Variants in FOXK1 observed in about 807,000 individuals in gnomAD.
FOXK1 encodes forkhead box protein K1.
A neutral mutation model predicts 51.9 loss-of-function variants in FOXK1; 19 were observed. That is an observed-to-expected ratio of 0.37 (90% confidence interval 0.26 to 0.54). FOXK1 has a LOEUF of 0.54. Among genes scored for constraint, FOXK1 ranks in the 20% least tolerant of loss-of-function variants. The pLI is 0.87. For missense variants in FOXK1, 870 were observed against 1,032.7 expected (o/e 0.84, Z 2.16); for synonymous variants, 537 against 482.6 (o/e 1.11, Z -1.48).
At chr7:4,710,978 T>C (rs960899543) in intron 1 of FOXK1, among the ~76,000 whole-genome samples, 4 of 152,228 alleles carry the variant, frequency 2.6e-5, no homozygotes, top group Admixed American at 2.6e-4. Flanking sequence ...TCCTAGCCAC[T>C]GGGTTCTGGG....
rs1216287126 is a variant in FOXK1, at chr7:4,748,138, T to C, written c.747-6321T>C. ...TTCCTTTTTCAGATTACGAAGAGAC[T>C]ATCTATCTATCTATATGCATCTTAC... On this transcript the variant is annotated intron_variant, in intron 2 of 8. Coordinates refer to ENST00000328914, the MANE Select transcript of FOXK1 (RefSeq NM_001037165.2). The surrounding 1 kb of genome is among the most constrained non-coding windows in gnomAD (Gnocchi z 4.9). Among the ~76,000 whole-genome samples the C allele has an allele frequency of 6.9e-6, 1 of 144,606 alleles. No individual in the cohort carries two copies. Among genetic ancestry groups the C allele is most frequent in the Admixed American group, 6.7e-5 (1 of 15,022 alleles). The allele number at this position is 144,606 out of a possible 152,430, so 94.9% of individuals were successfully genotyped here.
Position 4,703,472 on chromosome 7 carries a change from C to T in FOXK1, c.560+20604C>T, listed in dbSNP as rs1178534446. Among the ~76,000 whole-genome samples, 5 of 152,296 alleles carry T rather than the reference C, an allele frequency of 3.3e-5. No homozygotes were observed. Among genetic ancestry groups the T allele is most frequent in the Non-Finnish European group, 5.9e-5 (4 of 68,026 alleles). ...CAGCACAGGGCAGGGTCCTGGTGTCCTCGCCCCACAAGGCTCCCCCAGGGT... is the reference window on the plus strand; with the variant it reads ...CAGCACAGGGCAGGGTCCTGGTGTCTTCGCCCCACAAGGCTCCCCCAGGGT... On this transcript the variant is annotated intron_variant, in intron 1 of 8. Coordinates refer to ENST00000328914, the MANE Select transcript of FOXK1 (RefSeq NM_001037165.2). This position sits in a 1 kb window ranked among gnomAD's most constrained non-coding sequence, Gnocchi z 5.6.
At chr7:4,716,868 T>C (rs1780241107) in intron 1 of FOXK1, among the ~76,000 whole-genome samples, 1 of 152,222 alleles carries the variant, frequency 6.6e-6, no homozygotes, top group South Asian at 2.1e-4. Flanking sequence ...TTTATCTTAA[T>C]AGAGATTAAA....
At chr7:4,704,464 A>AAG (rs1554249107) in intron 1 of FOXK1, among the ~76,000 whole-genome samples, 2 of 151,566 alleles carry the variant, frequency 1.3e-5, no homozygotes, top group Admixed American at 6.6e-5. Context: ...AAAAAAAAAA[A>AAG]AAAAGAAAAG....
rs892218023 is a variant in FOXK1 at position 4,729,491 on chromosome 7, C to T, written c.561-11347C>T. Among the ~76,000 whole-genome samples the T allele has an allele frequency of 3.3e-5, 5 of 152,138 alleles. No individual in the cohort carries two copies. The highest frequency in any genetic ancestry group is 9.7e-5 in the African/African-American group (4 of 41,426). On this transcript the variant is annotated intron_variant, in intron 1 of 8. Coordinates refer to ENST00000328914, the MANE Select transcript of FOXK1 (RefSeq NM_001037165.2). The surrounding 1 kb of genome is among the most constrained non-coding windows in gnomAD (Gnocchi z 6.2). ...AAGGAGCTGTGAACACCGAGGGTGC[C>T]GTCCTCGCCTGTGCTGCCATGGGGT...
At position 4,759,414 on chromosome 7, in the gene FOXK1, A is replaced by T; in HGVS notation, c.1515A>T (p.Ser505=). ...ACATGCCCGCCTCCATCGTAACCTC[A>T]CAGCAGCCCGCGGGCCACGCCATCC... ...VAYMPASIVT[S]QQPAGHAIHV... is the part of the protein sequence containing the mutation. The change falls in exon 7 of 9, where the codon TCA becomes TCT. Residue 505 remains serine, a synonymous_variant. Coordinates refer to ENST00000328914, the MANE Select transcript of FOXK1 (RefSeq NM_001037165.2). 1 of 1,599,664 alleles carries T rather than the reference A, an allele frequency of 6.3e-7. No homozygotes were observed. Among genetic ancestry groups the T allele is most frequent in the Non-Finnish European group, 8.5e-7 (1 of 1,177,740 alleles).
rs1583211213 is a variant in FOXK1, at chr7:4,755,692, C to G, written c.1050+309C>G. Among the ~76,000 whole-genome samples, 1 of 152,152 alleles carries G rather than the reference C, an allele frequency of 6.6e-6. No individual in the cohort carries two copies. The highest frequency in any genetic ancestry group is 2.4e-5 in the African/African-American group (1 of 41,436). On this transcript the variant is annotated intron_variant, in intron 4 of 8. Transcript: ENST00000328914. This position sits in a 1 kb window ranked among gnomAD's most constrained non-coding sequence, Gnocchi z 6.6. ...GCTGCAGTGAGCTATGATCACACCA[C>G]TGCACTCCAGCCTGGGAGACAGAGA...
rs764573034 is a variant in FOXK1, at chr7:4,740,808, A to G, written c.561-30A>G. 13 of 1,582,802 alleles carry G rather than the reference A, an allele frequency of 8.2e-6. No individual in the cohort carries two copies. In the South Asian group the frequency reaches 1.0e-4, roughly 13 times the overall value. Reference sequence around the variant, plus strand: ...GGCGTCTTCTTGAGTCTCCTCCTGCACCTCACACCCGCTCCTCCTCCTGTT... The same window carrying G: ...GGCGTCTTCTTGAGTCTCCTCCTGCGCCTCACACCCGCTCCTCCTCCTGTT... On this transcript the variant is annotated intron_variant, in intron 1 of 8. Coordinates refer to ENST00000328914, the MANE Select transcript of FOXK1 (RefSeq NM_001037165.2).
At chr7:4,697,001 G>A (rs566862274) in intron 1 of FOXK1, among the ~76,000 whole-genome samples, 109 of 152,298 alleles carry the variant, frequency 7.2e-4, no homozygotes, top group African/African-American at 2.5e-3. Flanking sequence ...CCGGGAGGCG[G>A]AGGTTGCAGT....
At position 4,682,821 on chromosome 7, in the gene FOXK1, C is replaced by T. The variant is rs907098492; in HGVS notation, c.513C>T (p.Asp171=). 1.3e-6 allele frequency: 2 copies of T among 1,575,776 alleles called. No homozygotes were observed. Among genetic ancestry groups the T allele is most frequent in the African/African-American group, 1.4e-5 (1 of 73,414 alleles). ...TCGGCAAGAACGGCGTCTTCGTGGACGGGGCCTTCCAGAGACGCGGCGCGC... is the reference window on the plus strand; with the variant it reads ...TCGGCAAGAACGGCGTCTTCGTGGATGGGGCCTTCCAGAGACGCGGCGCGC... ...RCLGKNGVFV[D]GAFQRRGAPA... The change falls in exon 1 of 9, where the codon GAC becomes GAT. Residue 171 remains aspartate (D), a synonymous_variant. Transcript: ENST00000328914. The surrounding 1 kb of genome is among the most constrained non-coding windows in gnomAD (Gnocchi z 7.6).
At chr7:4,751,250 ACCTCATGAT>A (rs1780771914) in intron 2 of FOXK1, among the ~76,000 whole-genome samples, 1 of 148,552 alleles carries the variant, frequency 6.7e-6, no homozygotes, top group Admixed American at 6.7e-5. Context: ...CGCTCTCCTG[ACCTCATGAT>A]CCACCCTCCT....
In FOXK1 at chr7:4,723,342, A is replaced by G. The variant is rs1260688714; in HGVS notation, c.561-17496A>G. On this transcript the variant is annotated intron_variant, in intron 1 of 8. Coordinates refer to ENST00000328914, the MANE Select transcript of FOXK1 (RefSeq NM_001037165.2). The surrounding 1 kb of genome is among the most constrained non-coding windows in gnomAD (Gnocchi z 4.7). The stretch of plus-strand genomic sequence containing the variant: ...AGCTTGTTGGTAAATACTGCCTGAA[A>G]ACATTGGCTTAATTTGTCTTCTCAA... 1.3e-5 allele frequency among the ~76,000 whole-genome samples: 2 copies of G among 151,928 alleles called. No individual in the cohort carries two copies. The highest frequency in any genetic ancestry group is 6.6e-5 in the Admixed American group (1 of 15,250).
chr7:4,697,478 G>C (rs1779967889), intron 1 of FOXK1, among the ~76,000 whole-genome samples: 1 of 152,208 alleles, frequency 6.6e-6, no homozygotes, highest in African/African-American at 2.4e-5. Flanking sequence ...TGGCTGCTGA[G>C]CTGAGCCGGA....
At chr7:4,705,780 C>T (rs189930167) in intron 1 of FOXK1, among the ~76,000 whole-genome samples, 3 of 150,522 alleles carry the variant, frequency 2.0e-5, no homozygotes, top group South Asian at 2.1e-4. Flanking sequence ...CTCGTGACCC[C>T]CCCCCGCCTC....
chr7:4,728,111 G>A (rs1780403698), intron 1 of FOXK1, among the ~76,000 whole-genome samples: 1 of 152,158 alleles, frequency 6.6e-6, no homozygotes, highest in African/African-American at 2.4e-5. Flanking sequence ...ATGGCAGCCG[G>A]GACCGGCTCA....
At position 4,715,078 on chromosome 7, in the gene FOXK1, CG is replaced by C. The variant is rs1478957627; in HGVS notation, c.561-25758del. Among the ~76,000 whole-genome samples the C allele has an allele frequency of 6.6e-6, 1 of 151,984 alleles. No individual in the cohort carries two copies. Among genetic ancestry groups the C allele is most frequent in the Non-Finnish European group, 1.5e-5 (1 of 68,034 alleles). On this transcript the variant is annotated intron_variant, in intron 1 of 8. Transcript: ENST00000328914. This position sits in a 1 kb window ranked among gnomAD's most constrained non-coding sequence, Gnocchi z 4.5. ...AGCTTTTCTGATCAGATGAGTTTCACGGCTTTAGTACAGAAAATATTCAAAG... is the reference window on the plus strand; with the variant it reads ...AGCTTTTCTGATCAGATGAGTTTCACGCTTTAGTACAGAAAATATTCAAAG...
Position 4,733,770 on chromosome 7 carries a change from T to C in FOXK1, c.561-7068T>C, listed in dbSNP as rs1780512226. ...CTGGCCCTTGCTCTTGGGTCTGCTGTTTCTCTCACGGGAGAGGCTGCTCTG... is the reference window on the plus strand; with the variant it reads ...CTGGCCCTTGCTCTTGGGTCTGCTGCTTCTCTCACGGGAGAGGCTGCTCTG... On this transcript the variant is annotated intron_variant, in intron 1 of 8. Transcript: ENST00000328914. This position sits in a 1 kb window ranked among gnomAD's most constrained non-coding sequence, Gnocchi z 5.0. Among the ~76,000 whole-genome samples the C allele has an allele frequency of 6.6e-6, 1 of 152,214 alleles. No individual in the cohort carries two copies. Among genetic ancestry groups the C allele is most frequent in the Admixed American group, 6.5e-5 (1 of 15,282 alleles).
rs186212181 is a variant in FOXK1 at position 4,733,534 on chromosome 7, T to A, written c.561-7304T>A. Reference sequence around the variant, plus strand: ...ATAGACATGACCCATTTGTATCCCATTGACCAGCTCATAGTCTCATGGTTG... The same window carrying A: ...ATAGACATGACCCATTTGTATCCCAATGACCAGCTCATAGTCTCATGGTTG... On this transcript the variant is annotated intron_variant, in intron 1 of 8. Transcript: ENST00000328914. The surrounding 1 kb of genome is among the most constrained non-coding windows in gnomAD (Gnocchi z 5.0). Among the ~76,000 whole-genome samples, 1 of 152,188 alleles carries A rather than the reference T, an allele frequency of 6.6e-6. No individual in the cohort carries two copies. Among genetic ancestry groups the A allele is most frequent in the African/African-American group, 2.4e-5 (1 of 41,448 alleles).
At position 4,763,550 on chromosome 7, in the gene FOXK1, G is replaced by A. The variant is rs1384640389; in HGVS notation, c.*1086G>A. The A allele has an allele frequency of 6.6e-6, 1 of 152,372 alleles. No individual in the cohort carries two copies. Among genetic ancestry groups the A allele is most frequent in the Non-Finnish European group, 1.5e-5 (1 of 68,130 alleles). The allele number at this position is 152,372 out of a possible 1,614,324, so 9.4% of individuals were successfully genotyped here. A position where few individuals can be genotyped will look rare whatever the true frequency, so the allele number is the denominator to read the frequency against. On this transcript the variant is annotated 3_prime_UTR_variant, in exon 9 of 9. Coordinates refer to ENST00000328914, the MANE Select transcript of FOXK1 (RefSeq NM_001037165.2). ...CCCTCCCTGGGCTGTCCGTGAGCAG[G>A]AGACCCCACCCCAGCAGCAGTGGTG...
Sources: gnomAD v4.1 joint callset for allele counts (sites outside exome capture counted in the v4.1 genomes callset) on GRCh38, gnomAD v4.1.1 for gene constraint, Gnocchi (gnomAD v3.1) non-coding constraint, MANE v1.5 for transcripts, NCBI Gene and HGNC (gene_info 2026-07-23, HGNC 2026-07-21) for gene names.